SPPL2B: variants seen among roughly 807,000 people sequenced by gnomAD.
SPPL2B encodes signal peptide peptidase like 2B.
In SPPL2B, 39 loss-of-function variants were observed where a neutral mutation model predicts 59.7. That is an observed-to-expected ratio of 0.65 (90% CI 0.51 to 0.85). The LOEUF (loss-of-function observed/expected upper bound fraction) is 0.85, where lower values mean the gene tolerates loss of function less well. SPPL2B is among the 40% of genes least tolerant of loss of function. The pLI is 0.00. For synonymous variants in SPPL2B, 419 were observed against 370.8 expected, an observed-to-expected ratio of 1.13 and a Z score of -1.49; for missense variants, 865 against 849.0, an observed-to-expected ratio of 1.02 and a Z score of -0.23.
chr19:2,341,047 A>G (rs1969002641), intron 8 of SPPL2B, 33 bp downstream of exon 8: 7 of 1,529,482 alleles, frequency 4.6e-6, no homozygotes, highest in Non-Finnish European at 2.7e-6. Flanking sequence ...CCCGGCGGGC[A>G]GCGGAGTCCT....
chr19:2,328,690 T>G lies in SPPL2B; in HGVS notation c.-20T>G, dbSNP rs1012796076. The stretch of plus-strand genomic sequence containing the variant: ...TTGCTGGGAAACATCTGCCGTTGGT[T>G]GCGGCGGGCACCGGCCGACATGGCG... On this transcript the variant is annotated 5_prime_UTR_variant, in exon 1 of 15. Transcript: ENST00000613503. The G allele has an allele frequency of 2.1e-6, 3 of 1,435,914 alleles. No individual in the cohort carries two copies. Among genetic ancestry groups the G allele is most frequent in the Non-Finnish European group, 2.7e-6 (3 of 1,104,272 alleles). 88.9% of individuals were successfully genotyped at this position (1,435,914 alleles called of 1,614,324 possible).
chr19:2,340,228 C>A, intron 7 of SPPL2B, 56 bp downstream of exon 7: 1 of 1,345,736 alleles, frequency 7.4e-7, no homozygotes, highest in Non-Finnish European at 1.0e-6. Flanking sequence ...ATGGCCACGG[C>A]CCCTTTGCCG....
chr19:2,333,382 G>A (rs1050289292), intron 1 of SPPL2B, among the ~76,000 whole-genome samples: 1 of 152,174 alleles, frequency 6.6e-6, no homozygotes, highest in Non-Finnish European at 1.5e-5. Context: ...CTGCTGGGAG[G>A]ACCGTGGTTC....
chr19:2,340,661 C>T (rs1275492795), intron 7 of SPPL2B: 10 of 577,582 alleles, frequency 1.7e-5, no homozygotes, highest in African/African-American at 3.8e-5. Flanking sequence ...AGGGGCGCAG[C>T]GCAGGCGAGG....
rs118190233 is a variant in SPPL2B, at chr19:2,340,782, A to G, written c.840-116A>G. The G allele has an allele frequency of 8.0e-3, 5,031 of 628,608 alleles. 176 individuals carry two copies. Among genetic ancestry groups the G allele is most frequent in the South Asian group, 0.059 (3,087 of 52,292 alleles). 38.9% of individuals were successfully genotyped at this position (628,608 alleles called of 1,614,324 possible). A position where few individuals can be genotyped will look rare whatever the true frequency, so the allele number is the denominator to read the frequency against. On this transcript the variant is annotated intron_variant, in intron 7 of 14. Coordinates refer to ENST00000613503, the MANE Select transcript of SPPL2B (RefSeq NM_152988.3). ...GTGGGATGTGGAGTTTAATGAGGAC[A>G]ACAGAGTGGGGGCTGCCACTCTGCA...
intron 13 of SPPL2B, among the ~76,000 whole-genome samples, chr19:2,348,572 T>G (rs1969643451): frequency 6.8e-6 from 1 of 146,544 alleles, no homozygotes; most frequent in Non-Finnish European, 1.5e-5. Context: ...CCGTTCTCTC[T>G]CCACACAGAC....
chr19:2,341,556 T>C (rs928808582), intron 8 of SPPL2B: 84 of 453,384 alleles, frequency 1.9e-4, no homozygotes, highest in African/African-American at 1.5e-3. Context: ...CCTGGTGCCG[T>C]GTTGGGAGGA....
chr19:2,352,863 C>T (rs910010002), intron 14 of SPPL2B, 83 bp from the exon 15 acceptor site: 24 of 1,485,356 alleles, frequency 1.6e-5, no homozygotes, highest in South Asian at 3.6e-5. Context: ...CCGTGGCCTG[C>T]GGGTGCTGGG....
chr19:2,339,534 G>A, intron 5 of SPPL2B: 1 of 583,842 alleles, frequency 1.7e-6, no homozygotes, highest in Non-Finnish European at 3.1e-6. Flanking sequence ...GAGGCCCCAT[G>A]TCCAGGGCTC....
chr19:2,335,623 T>C (rs1018625195), intron 2 of SPPL2B, among the ~76,000 whole-genome samples: 6 of 148,866 alleles, frequency 4.0e-5, no homozygotes, highest in Admixed American at 1.3e-4. Context: ...CCTTTCCCAC[T>C]GCATCCTTCA....
chr19:2,349,057 G>A (rs1969709922), intron 13 of SPPL2B, among the ~76,000 whole-genome samples: 1 of 133,726 alleles, frequency 7.5e-6, no homozygotes, highest in Non-Finnish European at 1.5e-5. Context: ...GCTCTCATTC[G>A]CTTGATTCCG....
At chr19:2,331,236 C>G (rs1358745804) in intron 1 of SPPL2B, among the ~76,000 whole-genome samples, 1 of 152,214 alleles carries the variant, frequency 6.6e-6, no homozygotes, top group Non-Finnish European at 1.5e-5. Context: ...CGCCTGGACT[C>G]ACTGGCCTGT....
In SPPL2B at chr19:2,335,699, CCTCT is replaced by C. The variant is rs531785318; in HGVS notation, c.186+982_186+985del. Among the ~76,000 whole-genome samples, 77 of 151,290 alleles carry C rather than the reference CCTCT, an allele frequency of 5.1e-4. 1 individual carries two copies. The South Asian group carries it at 9.5e-3, about 19-fold the overall frequency. On this transcript the variant is annotated intron_variant, in intron 2 of 14. Transcript: ENST00000613503. Reference sequence around the variant, plus strand: ...TCCTTTCCCACCGTATCCCTCAGGCCCTCTCTCCTTTCCCACCGCATCCCTCAGG... The same window carrying C: ...TCCTTTCCCACCGTATCCCTCAGGCCCTCCTTTCCCACCGCATCCCTCAGG...
chr19:2,344,431 C>A lies in SPPL2B; in HGVS notation c.1176+7C>A, dbSNP rs983078235. The A allele has an allele frequency of 6.4e-7, 1 of 1,569,186 alleles. No individual in the cohort carries two copies. Among genetic ancestry groups the A allele is most frequent in the Admixed American group, 1.9e-5 (1 of 53,346 alleles). On this transcript the variant is annotated splice_region_variant and intron_variant, in intron 11 of 14. Coordinates refer to ENST00000613503, the MANE Select transcript of SPPL2B (RefSeq NM_152988.3). ...CTCAGCCACCCGTGAGAAGGTGTGT[C>A]TTCTGACTGCAGGGTCTCAGGTTGC...
At chr19:2,341,779 A>G (rs1331849347) in intron 8 of SPPL2B, 3 of 368,688 alleles carry the variant, frequency 8.1e-6, no homozygotes, top group Non-Finnish European at 1.7e-5. Context: ...AAGCCAGGAA[A>G]CTCGCTCCGT....
At chr19:2,334,748 T>C in intron 2 of SPPL2B, 27 bp downstream of exon 2, 1 of 1,524,140 alleles carries the variant, frequency 6.6e-7, no homozygotes, top group South Asian at 1.3e-5. Flanking sequence ...CGGGCGCCGC[T>C]GCGGAGGAGA....
In SPPL2B at chr19:2,354,546, C is replaced by G. The variant is rs978235168; in HGVS notation, c.*1337C>G. On this transcript the variant is annotated 3_prime_UTR_variant, in exon 15 of 15. Coordinates refer to ENST00000613503, the MANE Select transcript of SPPL2B (RefSeq NM_152988.3). ...CACGGGGACTGCTGAGCGCTGCGCTCTCACGGGTCTGTTCCGGACAGAGGG... is the reference window on the plus strand; with the variant it reads ...CACGGGGACTGCTGAGCGCTGCGCTGTCACGGGTCTGTTCCGGACAGAGGG... 6.6e-6 allele frequency: 1 copy of G among 152,288 alleles called. No homozygotes were observed. Among genetic ancestry groups the G allele is most frequent in the African/African-American group, 2.4e-5 (1 of 41,452 alleles). The allele number at this position is 152,288 out of a possible 1,614,324, so 9.4% of individuals were successfully genotyped here. A position where few individuals can be genotyped will look rare whatever the true frequency, so the allele number is the denominator to read the frequency against.
At chr19:2,335,280 A>C (rs1451871327) in intron 2 of SPPL2B, among the ~76,000 whole-genome samples, 2 of 104,656 alleles carry the variant, frequency 1.9e-5, no homozygotes, top group African/African-American at 3.8e-5. Flanking sequence ...CTCCTTTCCC[A>C]CTGCATCCTT....
At chr19:2,336,667 T>C (rs559477922) in intron 2 of SPPL2B, among the ~76,000 whole-genome samples, 14 of 148,010 alleles carry the variant, frequency 9.5e-5, no homozygotes, top group African/African-American at 3.3e-4. Flanking sequence ...ATGTGTGTAA[T>C]AGGCATGTGT....
Sources: allele counts gnomAD v4.1 joint callset (sites outside exome capture counted in the v4.1 genomes callset), GRCh38; gene constraint gnomAD v4.1.1; transcripts MANE v1.5; gene names NCBI Gene and HGNC (gene_info 2026-07-23, HGNC 2026-07-21).